Variants in TNRC6A observed in about 807,000 individuals in gnomAD.
The protein encoded by TNRC6A is trinucleotide repeat-containing gene 6A protein.
In TNRC6A, 44 loss-of-function variants were observed where a neutral mutation model predicts 221.2. The ratio of observed to expected loss-of-function variants is 0.20; its 90% CI spans 0.16 to 0.26. The LOEUF is 0.26. TNRC6A is among the 10% of genes least tolerant of loss of function. The probability of loss-of-function intolerance (pLI) is 1.00; values close to 1 mark genes in which losing one functional copy is unlikely to be tolerated. For missense variants in TNRC6A, 2,199 were observed against 2,404.4 expected, an observed-to-expected ratio of 0.91 and a Z score of 1.79; for synonymous variants, 847 against 838.5, an observed-to-expected ratio of 1.01 and a Z score of -0.18.
chr16:24,701,758 G>A (rs919881824), intron 2 of TNRC6A, among the ~76,000 whole-genome samples: 4 of 152,142 alleles, frequency 2.6e-5, no homozygotes, highest in African/African-American at 9.7e-5. Flanking sequence ...TCTTTCCTCA[G>A]GAAATTGAGG....
intron 2 of TNRC6A, among the ~76,000 whole-genome samples, chr16:24,730,977 A>ATTT (rs34743729): frequency 6.9e-6 from 1 of 145,398 alleles, no homozygotes. Context: ...TGAAGGGAGA[A>ATTT]TTTTTTTTTT....
At chr16:24,668,460 C>G (rs1267884918) in intron 2 of TNRC6A, among the ~76,000 whole-genome samples, 1 of 152,128 alleles carries the variant, frequency 6.6e-6, no homozygotes, top group African/African-American at 2.4e-5. Flanking sequence ...ATTTACAAAG[C>G]CTTCATGATC....
intron 2 of TNRC6A, among the ~76,000 whole-genome samples, chr16:24,665,554 A>G (rs762878160): frequency 9.9e-5 from 15 of 152,168 alleles, no homozygotes; most frequent in Non-Finnish European, 2.2e-4. Flanking sequence ...GTTCCATATT[A>G]CCTTAAAATA....
At chr16:24,714,900 G>A (rs183628008) in intron 2 of TNRC6A, among the ~76,000 whole-genome samples, 1 of 144,926 alleles carries the variant, frequency 6.9e-6, no homozygotes, top group African/African-American at 2.6e-5. Flanking sequence ...TTTCTGGGAT[G>A]GAGTCTTGCT....
chr16:24,790,683 C>A lies in TNRC6A; in HGVS notation c.2041C>A (p.Arg681Ser). ...CGATGGTAGTACAGAAAGCACTGGA[C>A]GCCTTGAGGAAAAAGGAACTGGGGA... Reference protein sequence around the residue: ...ESDGSTESTGRLEEKGTGESQ... With the variant: ...ESDGSTESTGSLEEKGTGESQ... Residue 681 changes from arginine to serine, a missense_variant, in exon 6 of 25, where the codon CGC becomes AGC. By Grantham distance (110) the Arg-to-Ser change is moderately radical. Transcript: ENST00000395799. The A allele has an allele frequency of 6.2e-7, 1 of 1,614,112 alleles. No homozygotes were observed. The highest frequency in any genetic ancestry group is 2.2e-5 in the East Asian group (1 of 44,886).
chr16:24,714,630 GC>G (rs2056278054), intron 2 of TNRC6A, among the ~76,000 whole-genome samples: 2 of 151,972 alleles, frequency 1.3e-5, no homozygotes, highest in Admixed American at 6.6e-5. Context: ...CCAATTCTGT[GC>G]TTTTTTCTTC....
chr16:24,705,393 A>C (rs1426633851), intron 2 of TNRC6A, among the ~76,000 whole-genome samples: 1 of 151,128 alleles, frequency 6.6e-6, no homozygotes, highest in Non-Finnish European at 1.5e-5. Flanking sequence ...GTGCAGTGGC[A>C]CGATCTCAGC....
chr16:24,785,430 A>G (rs1046607957), intron 5 of TNRC6A, among the ~76,000 whole-genome samples: 2 of 152,206 alleles, frequency 1.3e-5, no homozygotes, highest in Non-Finnish European at 2.9e-5. Flanking sequence ...ATGACTTTAA[A>G]TATTTTTGCT....
At chr16:24,669,473 G>A (rs748631161) in intron 2 of TNRC6A, among the ~76,000 whole-genome samples, 10 of 136,154 alleles carry the variant, frequency 7.3e-5, no homozygotes, top group East Asian at 2.2e-4. Flanking sequence ...TGGGCAACAA[G>A]CAAGACTCTG....
chr16:24,686,156 A>G (rs2055621464), intron 2 of TNRC6A, among the ~76,000 whole-genome samples: 1 of 152,182 alleles, frequency 6.6e-6, no homozygotes, highest in South Asian at 2.1e-4. Flanking sequence ...TCCGGTCTCC[A>G]TGGCAACGCG....
At chr16:24,713,577 C>G (rs1463725470) in intron 2 of TNRC6A, among the ~76,000 whole-genome samples, 1 of 152,072 alleles carries the variant, frequency 6.6e-6, no homozygotes, top group African/African-American at 2.4e-5. Flanking sequence ...ACTCTTGGGT[C>G]TATAACATGC....
intron 4 of TNRC6A, among the ~76,000 whole-genome samples, chr16:24,768,183 G>C (rs1330345818): frequency 6.6e-6 from 1 of 152,130 alleles, no homozygotes; most frequent in Non-Finnish European, 1.5e-5. Context: ...TGTAATCCCA[G>C]CACTTTGGGA....
chr16:24,688,935 C>T (rs2055695259), intron 2 of TNRC6A, among the ~76,000 whole-genome samples: 1 of 152,168 alleles, frequency 6.6e-6, no homozygotes, highest in Non-Finnish European at 1.5e-5. Context: ...GGCACAGTGG[C>T]TCATGCCTGT....
At chr16:24,786,649 G>A (rs1180977049) in intron 5 of TNRC6A, among the ~76,000 whole-genome samples, 1 of 151,914 alleles carries the variant, frequency 6.6e-6, no homozygotes, top group African/African-American at 2.4e-5. Flanking sequence ...CACCACAGTT[G>A]TGTGAGATTG....
In TNRC6A at chr16:24,790,587, C is replaced by A; in HGVS notation, c.1945C>A (p.Gln649Lys). 2 of 1,614,178 alleles carry A rather than the reference C, an allele frequency of 1.2e-6. No individual in the cohort carries two copies. Among genetic ancestry groups the A allele is most frequent in the Admixed American group, 1.7e-5 (1 of 60,024 alleles). ...NGWKSTEEED[Q>K]GSATSQTNEQ... Reference sequence around the variant, plus strand: ...ATGGAAATCTACTGAGGAAGAGGATCAGGGTTCTGCCACATCTCAGACAAA... The same window carrying A: ...ATGGAAATCTACTGAGGAAGAGGATAAGGGTTCTGCCACATCTCAGACAAA... Residue 649 changes from glutamine to lysine, a missense_variant, in exon 6 of 25, where the codon CAG becomes AAG. This residue lies in a region of TNRC6A where 1,405 missense variants were observed against 1,400.2 expected (regional missense o/e 1.00). Coordinates refer to ENST00000395799, the MANE Select transcript of TNRC6A (RefSeq NM_014494.4).
intron 4 of TNRC6A, among the ~76,000 whole-genome samples, chr16:24,771,072 TAGAG>T (rs2057580006): frequency 6.6e-6 from 1 of 152,232 alleles, no homozygotes; most frequent in Admixed American, 6.5e-5. Flanking sequence ...AGCCAGATGT[TAGAG>T]AGACTTACAG....
intron 2 of TNRC6A, among the ~76,000 whole-genome samples, chr16:24,664,541 A>T (rs1288115365): frequency 2.1e-5 from 3 of 143,194 alleles, no homozygotes; most frequent in East Asian, 3.9e-4. Flanking sequence ...ATATATTTTT[A>T]AAATATAATA....
chr16:24,712,610 T>C (rs776589467), intron 2 of TNRC6A, among the ~76,000 whole-genome samples: 1 of 152,256 alleles, frequency 6.6e-6, no homozygotes, highest in Non-Finnish European at 1.5e-5. Context: ...CTTTCATGTA[T>C]ACTTAGATTT....
chr16:24,694,581 G>T (rs897389047), intron 2 of TNRC6A, among the ~76,000 whole-genome samples: 1 of 148,080 alleles, frequency 6.8e-6, no homozygotes, highest in Non-Finnish European at 1.5e-5. Context: ...CTTGAACCCT[G>T]GAGGCAGGGT....
Sources: gnomAD v4.1 joint callset for allele counts (sites outside exome capture counted in the v4.1 genomes callset) on GRCh38, gnomAD v4.1.1 for gene constraint, gnomAD v4.1.1 regional missense constraint, MANE v1.5 for transcripts, NCBI Gene and HGNC (gene_info 2026-07-23, HGNC 2026-07-21) for gene names.